Variants in SCAF4 observed in about 807,000 individuals in gnomAD.
The protein encoded by SCAF4 is SR-related CTD associated factor 4, also known as SR-related and CTD-associated factor 4.
Under a neutral mutation model 129.8 loss-of-function variants are expected in SCAF4, and 25 were observed. The ratio of observed to expected loss-of-function variants is 0.19; its 90% CI spans 0.14 to 0.27. The LOEUF is 0.27. Ranked by LOEUF, SCAF4 falls within the 10% of genes least tolerant of loss-of-function variation. SCAF4 has a pLI of 1.00. For synonymous variants in SCAF4, 551 were observed against 497.7 expected (o/e 1.11, Z -1.43); for missense variants, 1,246 against 1,457.1 (o/e 0.86, Z 2.36).
chr21:31,691,271 T>C (rs2050253556), intron 14 of SCAF4, among the ~76,000 whole-genome samples: 1 of 152,210 alleles, frequency 6.6e-6, no homozygotes, highest in African/African-American at 2.4e-5. Flanking sequence ...CCTAGTAGTA[T>C]ACTGGGGACT....
intron 1 of SCAF4, among the ~76,000 whole-genome samples, chr21:31,710,243 A>G (rs2050767997): frequency 6.6e-6 from 1 of 152,142 alleles, no homozygotes; most frequent in Non-Finnish European, 1.5e-5. Context: ...CTGGAGTAAG[A>G]AGGCCACCAA....
chr21:31,698,939 T>C (rs2123567010), intron 7 of SCAF4, among the ~76,000 whole-genome samples: 1 of 152,314 alleles, frequency 6.6e-6, no homozygotes, highest in African/African-American at 2.4e-5. Flanking sequence ...GATGCAGATG[T>C]AGATTCAATT....
intron 1 of SCAF4, among the ~76,000 whole-genome samples, chr21:31,723,629 T>TGTGTGTGTGCGCGCGC (rs1271033175): frequency 6.7e-6 from 1 of 149,000 alleles, no homozygotes; most frequent in African/African-American, 2.5e-5. Context: ...TGTGTGTGTG[T>TGTGTGTGTGCGCGCGC]GCGCGCGCGC....
intron 1 of SCAF4, among the ~76,000 whole-genome samples, chr21:31,707,696 C>T (rs533743053): frequency 6.6e-6 from 1 of 152,220 alleles, no homozygotes; most frequent in South Asian, 2.1e-4. Flanking sequence ...AAATATGGAG[C>T]CCTAGGGTAT....
At chr21:31,679,047 T>G (rs559768310) in intron 19 of SCAF4, among the ~76,000 whole-genome samples, 3 of 152,182 alleles carry the variant, frequency 2.0e-5, no homozygotes, top group Non-Finnish European at 4.4e-5. Context: ...AGAAGATACC[T>G]CTCAGGGAAT....
chr21:31,710,888 T>C (rs1169521667), intron 1 of SCAF4, among the ~76,000 whole-genome samples: 1 of 152,226 alleles, frequency 6.6e-6, no homozygotes, highest in East Asian at 1.9e-4. Context: ...TCTGAGAGCT[T>C]AGTAAGTGGC....
intron 1 of SCAF4, among the ~76,000 whole-genome samples, chr21:31,722,396 A>T (rs2051091114): frequency 1.3e-5 from 2 of 152,038 alleles, no homozygotes; most frequent in South Asian, 4.2e-4. Flanking sequence ...GCTGTGTCCA[A>T]TTTTTCTGAG....
intron 16 of SCAF4, 108 bp downstream of exon 16, chr21:31,688,189 AATATGCACAT>A: frequency 1.6e-6 from 1 of 627,628 alleles, no homozygotes; most frequent in Non-Finnish European, 2.5e-6. Flanking sequence ...TGAAAAATGT[AATATGCACAT>A]ATATGTACTC....
intron 1 of SCAF4, among the ~76,000 whole-genome samples, chr21:31,722,482 T>C (rs2051093347): frequency 6.6e-6 from 1 of 152,160 alleles, no homozygotes; most frequent in Non-Finnish European, 1.5e-5. Context: ...AATAAAACTT[T>C]AAAAGTGAAG....
At chr21:31,683,356 T>C (rs772228137) in intron 19 of SCAF4, among the ~76,000 whole-genome samples, 3 of 152,212 alleles carry the variant, frequency 2.0e-5, no homozygotes, top group Non-Finnish European at 4.4e-5. Flanking sequence ...TCATCTGTGT[T>C]TGGTTGCACA....
In SCAF4 at chr21:31,717,826, CATAT is replaced by C. The variant is rs796625672; in HGVS notation, c.31-11473_31-11470del. ...AAAAAAATTTTTGGGAAACTGCTGC[CATAT>C]ATATATATATATACACACACACACA... On this transcript the variant is annotated intron_variant, in intron 1 of 19. Transcript: ENST00000286835. Among the ~76,000 whole-genome samples, 6 of 110,286 alleles carry C rather than the reference CATAT, an allele frequency of 5.4e-5. 1 individual carries two copies. In the South Asian group the frequency reaches 1.3e-3, roughly 23 times the overall value. 72.4% of individuals were successfully genotyped at this position (110,286 alleles called of 152,430 possible).
Position 31,696,120 on chromosome 21 carries a change from T to G in SCAF4, c.1061A>C (p.His354Pro). 1.2e-6 allele frequency: 2 copies of G among 1,608,130 alleles called. No individual in the cohort carries two copies. Among genetic ancestry groups the G allele is most frequent in the Non-Finnish European group, 1.7e-6 (2 of 1,174,794 alleles). Residue 354 changes from histidine (H) to proline (P), a missense_variant, in exon 9 of 20, where the codon CAC becomes CCC. Coordinates refer to ENST00000286835, the MANE Select transcript of SCAF4 (RefSeq NM_020706.2). Reference protein sequence around the residue: ...RMMGIQQDPMHHQVPLPPNGQ... With the variant: ...RMMGIQQDPMPHQVPLPPNGQ... ...CAAGAAAAATGCTTGTACCTGATGG[T>G]GCATTGGATCCTGTTGTATTCCCAT...
At position 31,685,209 on chromosome 21, in the gene SCAF4, T is replaced by C. The variant is rs759891229; in HGVS notation, c.2328A>G (p.Thr776=). The stretch of plus-strand genomic sequence containing the variant: ...TGGGATTTCCAATAGATAAGTCTTT[T>C]GTAGTGTCTTCATTTATACCAGCGA... ...STIAGINEDT[T]KDLSIGNPIP... is the part of the protein sequence containing the mutation. Residue 776 remains threonine (T), a synonymous_variant, in exon 19 of 20, where the codon ACA becomes ACG. Coordinates refer to ENST00000286835, the MANE Select transcript of SCAF4 (RefSeq NM_020706.2). The C allele has an allele frequency of 6.2e-7, 1 of 1,610,904 alleles. No homozygotes were observed. Among genetic ancestry groups the C allele is most frequent in the South Asian group, 1.1e-5 (1 of 90,978 alleles).
At chr21:31,725,994 T>G (rs2051192944) in intron 1 of SCAF4, among the ~76,000 whole-genome samples, 1 of 152,044 alleles carries the variant, frequency 6.6e-6, no homozygotes, top group Non-Finnish European at 1.5e-5. Context: ...ATATGGTAAA[T>G]ATCAATAAAT....
intron 15 of SCAF4, among the ~76,000 whole-genome samples, chr21:31,689,240 A>C (rs957961336): frequency 6.6e-6 from 1 of 151,982 alleles, no homozygotes; most frequent in Non-Finnish European, 1.5e-5. Flanking sequence ...GGAATAGTAC[A>C]GCATTGTTTC....
intron 1 of SCAF4, among the ~76,000 whole-genome samples, chr21:31,716,001 T>C (rs1024365955): frequency 1.3e-5 from 2 of 152,174 alleles, no homozygotes; most frequent in Admixed American, 6.5e-5. Context: ...TAATAAAAAC[T>C]GGCAGACAAA....
In SCAF4 at chr21:31,685,440, A is replaced by G; in HGVS notation, c.2254T>C (p.Ser752Pro). The change falls in exon 18 of 20, where the codon TCC becomes CCC. Residue 752 changes from serine to proline, a missense_variant. Physicochemically the swap from Ser to Pro is moderately conservative, Grantham distance 74. This residue lies in a region of SCAF4 where 468 missense variants were observed against 605.5 expected (regional missense o/e 0.77). Coordinates refer to ENST00000286835, the MANE Select transcript of SCAF4 (RefSeq NM_020706.2). ...GPPPPITPPV[S>P]IPPPHTPPIS... ...GGTGGAGTGTGAGGAGGAGGAATGG[A>G]TACTGGTGGAGTTATAGGAGGTGGG... The G allele has an allele frequency of 6.2e-7, 1 of 1,613,510 alleles. No individual in the cohort carries two copies. The highest frequency in any genetic ancestry group is 8.5e-7 in the Non-Finnish European group (1 of 1,179,708).
intron 1 of SCAF4, among the ~76,000 whole-genome samples, chr21:31,729,524 A>G (rs1320271683): frequency 1.3e-5 from 2 of 152,226 alleles, no homozygotes; most frequent in Non-Finnish European, 2.9e-5. Context: ...CAGGCACTCA[A>G]AAGTTTAAGT....
At chr21:31,708,347 G>A (rs1032883954) in intron 1 of SCAF4, among the ~76,000 whole-genome samples, 6 of 151,144 alleles carry the variant, frequency 4.0e-5, no homozygotes, top group Non-Finnish European at 7.4e-5. Flanking sequence ...GCCACTGCAC[G>A]CCAGGCCAGG....
Sources: allele counts gnomAD v4.1 joint callset (sites outside exome capture counted in the v4.1 genomes callset), GRCh38; gene constraint gnomAD v4.1.1; regional missense constraint gnomAD v4.1.1; transcripts MANE v1.5; gene names NCBI Gene and HGNC (gene_info 2026-07-23, HGNC 2026-07-21).